The following NIN variants were observed in gnomAD, a reference collection of about 807,000 sequenced individuals.
The protein encoded by NIN is ninein.
In NIN, 137 loss-of-function variants were observed where a neutral mutation model predicts 257.6. The ratio of observed to expected loss-of-function variants is 0.53; its 90% confidence interval spans 0.46 to 0.61. The LOEUF is 0.61. Among genes scored for constraint, NIN ranks in the 20% least tolerant of loss-of-function variants. NIN has a pLI of 0.00. For missense variants in NIN, 2,439 were observed against 2,501.2 expected (o/e 0.98, Z 0.53); for synonymous variants, 918 against 919.8 (o/e 1.00, Z 0.04).
At chr14:50,827,353 G>C (rs572078983) in intron 2 of NIN, among the ~76,000 whole-genome samples, 1 of 152,316 alleles carries the variant, frequency 6.6e-6, no homozygotes, top group African/African-American at 2.4e-5. Flanking sequence ...CTCACTTCTA[G>C]CTGGATACCA....
At chr14:50,794,502 G>T (rs1298474147) in intron 4 of NIN, 5 of 997,228 alleles carry the variant, frequency 5.0e-6, no homozygotes, top group Non-Finnish European at 6.0e-6. Context: ...CGAGCTACTT[G>T]TTGGCAGCTG....
At chr14:50,804,575 AT>A (rs1490366092) in intron 4 of NIN, among the ~76,000 whole-genome samples, 2 of 152,230 alleles carry the variant, frequency 1.3e-5, no homozygotes, top group African/African-American at 4.8e-5. Flanking sequence ...ACTTGTCCAA[AT>A]TATGATCTTT....
At chr14:50,799,317 C>G (rs2043979128) in intron 4 of NIN, among the ~76,000 whole-genome samples, 1 of 152,184 alleles carries the variant, frequency 6.6e-6, no homozygotes, top group Non-Finnish European at 1.5e-5. Flanking sequence ...GCCCAGGGAG[C>G]TCCAGCCACA....
At position 50,759,988 on chromosome 14, in the gene NIN, T is replaced by TC; in HGVS notation, c.2267dup (p.Gly757ArgfsTer24). The TC allele has an allele frequency of 5.0e-6, 8 of 1,614,200 alleles. No individual in the cohort carries two copies. The highest frequency in any genetic ancestry group is 6.8e-6 in the Non-Finnish European group (8 of 1,180,038). ...ACTGCTCTAGTTCCTGAGTCAAGCC[T>TC]CTCACCTTCTCTTCTGTCCAGGCGC... On this transcript the variant is annotated frameshift_variant, in exon 17 of 31. Coordinates refer to ENST00000530997, the MANE Select transcript of NIN (RefSeq NM_020921.4). LOFTEE classifies it high-confidence loss of function.
chr14:50,763,294 A>G (rs2042343986), intron 15 of NIN, among the ~76,000 whole-genome samples: 1 of 151,802 alleles, frequency 6.6e-6, no homozygotes, highest in Admixed American at 6.6e-5. Context: ...CTGCCTTCCA[A>G]ACTTGCCACT....
intron 21 of NIN, among the ~76,000 whole-genome samples, chr14:50,750,353 G>A (rs539973066): frequency 1.3e-5 from 2 of 152,076 alleles, no homozygotes; most frequent in African/African-American, 4.8e-5. Context: ...TCCAAATACC[G>A]CAGATCTCAA....
At position 50,758,128 on chromosome 14, in the gene NIN, G is replaced by T. The variant is rs766219363; in HGVS notation, c.2902C>A (p.Arg968=). ...AGASEQLASQ[R]LERLEMEHDQ... is the part of the protein sequence containing the mutation. ...TGTTCCATTTCTAGTCTTTCCAGCC[G>T]CTGGCTGGCCAGCTGCTCCGAAGCC... Residue 968 remains arginine (R), a synonymous_variant, in exon 18 of 31, where the codon CGG becomes AGG. Transcript: ENST00000530997. 8 of 1,614,090 alleles carry T rather than the reference G, an allele frequency of 5.0e-6. No individual in the cohort carries two copies. Among genetic ancestry groups the T allele is most frequent in the Non-Finnish European group, 5.9e-6 (7 of 1,180,026 alleles).
At chr14:50,803,285 G>A (rs113580778) in intron 4 of NIN, among the ~76,000 whole-genome samples, 23 of 152,108 alleles carry the variant, frequency 1.5e-4, no homozygotes, top group Non-Finnish European at 2.9e-4. Context: ...CCTGGGAGGC[G>A]GAGGTTGCAG....
At chr14:50,776,460 G>A (rs937864805) in intron 7 of NIN, among the ~76,000 whole-genome samples, 8 of 152,068 alleles carry the variant, frequency 5.3e-5, no homozygotes, top group East Asian at 3.8e-4. Context: ...TTAGCTCCTC[G>A]TCAGCAAGCA....
chr14:50,783,652 G>A (rs1421741930), intron 5 of NIN, among the ~76,000 whole-genome samples: 1 of 151,932 alleles, frequency 6.6e-6, no homozygotes, highest in African/African-American at 2.4e-5. Flanking sequence ...CTATTTCAGG[G>A]GGGTGGGTGG....
At chr14:50,743,579 C>A in intron 23 of NIN, 50 bp from the exon 24 acceptor site, 1 of 1,120,150 alleles carries the variant, frequency 8.9e-7, no homozygotes, top group South Asian at 1.2e-5. Flanking sequence ...GCAAACATAG[C>A]TAGCCTTAAT....
intron 21 of NIN, among the ~76,000 whole-genome samples, chr14:50,751,926 C>A (rs1348305368): frequency 6.6e-6 from 1 of 152,304 alleles, no homozygotes; most frequent in Non-Finnish European, 1.5e-5. Flanking sequence ...GAGTTCTTTA[C>A]TAGCAGGGAT....
At chr14:50,792,521 G>A (rs1162012924) in intron 5 of NIN, 191 bp downstream of exon 5, 1 of 607,220 alleles carries the variant, frequency 1.6e-6, no homozygotes, top group African/African-American at 1.8e-5. Flanking sequence ...AAGCTGAAAC[G>A]AGGTAAAAAC....
intron 14 of NIN, 114 bp downstream of exon 14, chr14:50,766,193 T>C: frequency 1.3e-6 from 1 of 747,836 alleles, no homozygotes; most frequent in South Asian, 1.6e-5. Flanking sequence ...GCATGAGGAA[T>C]GGAAGTACCC....
At chr14:50,734,088 T>TA (rs1268578606) in intron 28 of NIN, among the ~76,000 whole-genome samples, 17 of 98,316 alleles carry the variant, frequency 1.7e-4, no homozygotes, top group African/African-American at 5.2e-4. Context: ...TCTTCTTTAT[T>TA]TTTTTTTTTT....
chr14:50,802,780 C>T (rs2044154040), intron 4 of NIN, among the ~76,000 whole-genome samples: 1 of 152,196 alleles, frequency 6.6e-6, no homozygotes, highest in Non-Finnish European at 1.5e-5. Flanking sequence ...TATATAAGAT[C>T]ACCTGATTAG....
intron 5 of NIN, chr14:50,791,950 G>T (rs2043615354): frequency 6.6e-6 from 1 of 152,128 alleles, no homozygotes; most frequent in Non-Finnish European, 1.5e-5. Context: ...GCTGGGATTT[G>T]CAAGAAATAT....
chr14:50,809,800 G>A (rs1294382626), intron 3 of NIN, among the ~76,000 whole-genome samples: 1 of 152,160 alleles, frequency 6.6e-6, no homozygotes, highest in Non-Finnish European at 1.5e-5. Context: ...AATATGGTAT[G>A]ACAAACACAC....
Position 50,757,930 on chromosome 14 carries a change from T to G in NIN, c.3100A>C (p.Ser1034Arg). The stretch of plus-strand genomic sequence containing the variant: ...TCCTCTCCTATCACCTGGCAACCAC[T>G]CTGAAGCATTGAGAGAGGAGATGTT... ...QATSPLSMLQ[S>R]GCQVIGEEEV... The change falls in exon 18 of 31, where the codon AGT (serine) becomes CGT (arginine). Residue 1034 changes from serine to arginine, a missense_variant. This residue lies in a region of NIN where 2,043 missense variants were observed against 2,050.2 expected (regional missense o/e 1.00). Coordinates refer to ENST00000530997, the MANE Select transcript of NIN (RefSeq NM_020921.4). The G allele has an allele frequency of 1.2e-6, 2 of 1,614,152 alleles. No homozygotes were observed. The highest frequency in any genetic ancestry group is 1.7e-6 in the Non-Finnish European group (2 of 1,180,022).
Sources: allele counts gnomAD v4.1 joint callset (sites outside exome capture counted in the v4.1 genomes callset), GRCh38; gene constraint gnomAD v4.1.1; regional missense constraint gnomAD v4.1.1; transcripts MANE v1.5; gene names NCBI Gene and HGNC (gene_info 2026-07-23, HGNC 2026-07-21).